The following UST variants were observed in gnomAD, a reference collection of about 807,000 sequenced individuals.
UST encodes uronyl 2-sulfotransferase, also known as chondroitin sulfate 2-O-sulfotransferase.
Under a neutral mutation model 45.6 loss-of-function variants are expected in UST, and 21 were observed. That is an observed-to-expected ratio of 0.46 (90% CI 0.33 to 0.66). UST has a LOEUF of 0.66. Ranked by LOEUF, UST falls within the 30% of genes least tolerant of loss-of-function variation. The pLI is 0.02. For missense variants in UST, 463 were observed against 512.4 expected (o/e 0.90, Z 0.93); for synonymous variants, 215 against 200.6 (o/e 1.07, Z -0.61).
At chr6:149,046,974 C>T (rs977476888) in intron 7 of UST, among the ~76,000 whole-genome samples, 1 of 152,132 alleles carries the variant, frequency 6.6e-6, no homozygotes, top group South Asian at 2.1e-4. Flanking sequence ...ACTTCTTGGC[C>T]GTGTCTCTGT....
intron 1 of UST, among the ~76,000 whole-genome samples, chr6:148,837,354 G>A (rs1229185884): frequency 6.6e-6 from 1 of 152,144 alleles, no homozygotes; most frequent in African/African-American, 2.4e-5. Context: ...GTAGCAAAGA[G>A]TATCAGAATC....
At chr6:148,941,505 C>A in intron 3 of UST, 71 bp downstream of exon 3, 12 of 1,485,948 alleles carry the variant, frequency 8.1e-6, no homozygotes, top group Non-Finnish European at 8.1e-6. Flanking sequence ...GGGTGCCTTA[C>A]AGGTCATCCT....
intron 7 of UST, among the ~76,000 whole-genome samples, chr6:149,022,406 C>A (rs1174122778): frequency 6.6e-6 from 1 of 152,026 alleles, no homozygotes; most frequent in Non-Finnish European, 1.5e-5. Flanking sequence ...TCGAGACCAG[C>A]CTGGCCAACA....
At chr6:149,066,063 AGAG>A (rs1035318912) in intron 7 of UST, 10 of 152,486 alleles carry the variant, frequency 6.6e-5, no homozygotes, top group African/African-American at 2.2e-4. Context: ...AGGAGGGCGT[AGAG>A]AAGATGGAAA....
At chr6:148,818,894 T>C (rs925604822) in intron 1 of UST, among the ~76,000 whole-genome samples, 1 of 152,200 alleles carries the variant, frequency 6.6e-6, no homozygotes, top group Non-Finnish European at 1.5e-5. Flanking sequence ...GTGGTCTTGC[T>C]CCTCTCTTCC....
chr6:148,990,531 A>T (rs1781328912), intron 5 of UST: 1 of 500,390 alleles, frequency 2.0e-6, no homozygotes. Flanking sequence ...AGACGTTCAG[A>T]TTCATATTTT....
intron 1 of UST, among the ~76,000 whole-genome samples, chr6:148,878,475 G>C (rs1778754347): frequency 7.4e-6 from 1 of 135,746 alleles, no homozygotes; most frequent in South Asian, 2.5e-4. Context: ...TATGAGTGTG[G>C]GTATCGTGTA....
intron 7 of UST, among the ~76,000 whole-genome samples, chr6:149,038,638 C>T (rs1042785501): frequency 1.5e-4 from 23 of 152,168 alleles, no homozygotes; most frequent in African/African-American, 5.6e-4. Context: ...GAAACTAATG[C>T]AGTTAGAAGT....
chr6:149,074,166 T>C lies in UST; in HGVS notation c.*50T>C, dbSNP rs577850182. The C allele has an allele frequency of 1.1e-4, 174 of 1,580,712 alleles. 2 individuals are homozygous for C. In the South Asian group the frequency reaches 1.8e-3, roughly 16 times the overall value. ...TTATCTCCCTTTTCCAGAAAGTTCT[T>C]TGTTTGGGGAAGTAAAATCCTTAAG... is the stretch of plus-strand genomic sequence containing the variant. On this transcript the variant is annotated 3_prime_UTR_variant, in exon 8 of 8. Transcript: ENST00000367463.
In UST at chr6:149,074,086, A is replaced by AGCTGG. The variant is rs1562346847; in HGVS notation, c.1191_1192insGCTGG (p.Lys398AlafsTer39). 6.2e-7 allele frequency: 1 copy of AGCTGG among 1,614,080 alleles called. No individual in the cohort carries two copies. Among genetic ancestry groups the AGCTGG allele is most frequent in the African/African-American group, 1.3e-5 (1 of 74,950 alleles). On this transcript the variant is annotated frameshift_variant, in exon 8 of 8. Coordinates refer to ENST00000367463, the MANE Select transcript of UST (RefSeq NM_005715.3). LOFTEE classifies it high-confidence loss of function. Reference sequence around the variant, plus strand: ...TCGACGATGAAGAACAGGATGATGAAAAGTGGCTGGAAGATATTTATAAGA... The same window carrying AGCTGG: ...TCGACGATGAAGAACAGGATGATGAAGCTGGAAGTGGCTGGAAGATATTTATAAGA...
intron 5 of UST, among the ~76,000 whole-genome samples, chr6:148,983,683 A>C (rs1246322834): frequency 1.3e-5 from 2 of 152,260 alleles, no homozygotes; most frequent in Non-Finnish European, 2.9e-5. Context: ...AAATTTGTGA[A>C]GTACAAGAAT....
At chr6:148,938,244 C>G (rs1191931385) in intron 2 of UST, among the ~76,000 whole-genome samples, 1 of 152,154 alleles carries the variant, frequency 6.6e-6, no homozygotes, top group Non-Finnish European at 1.5e-5. Context: ...AGGGCTCATT[C>G]AGTGTCTGTT....
chr6:149,037,115 G>A (rs890094112), intron 7 of UST, among the ~76,000 whole-genome samples: 1 of 152,032 alleles, frequency 6.6e-6, no homozygotes, highest in Non-Finnish European at 1.5e-5. Context: ...AAGGCCTCGG[G>A]GGGTGAGCAC....
At chr6:148,944,420 T>A (rs1780191166) in intron 3 of UST, among the ~76,000 whole-genome samples, 1 of 152,038 alleles carries the variant, frequency 6.6e-6, no homozygotes, top group Admixed American at 6.6e-5. Context: ...CCAGATTATC[T>A]ATTCCATTTC....
chr6:149,034,958 AT>A (rs1472333520), intron 7 of UST, among the ~76,000 whole-genome samples: 1 of 150,120 alleles, frequency 6.7e-6, no homozygotes, highest in East Asian at 2.0e-4. Flanking sequence ...TGTGTGCTAA[AT>A]ATTTAGTGGA....
intron 7 of UST, among the ~76,000 whole-genome samples, chr6:149,062,769 G>A (rs967819779): frequency 6.6e-6 from 1 of 152,220 alleles, no homozygotes; most frequent in African/African-American, 2.4e-5. Context: ...TGTCCTGGCT[G>A]TACAGCCTTG....
intron 2 of UST, among the ~76,000 whole-genome samples, chr6:148,888,965 T>G (rs530538554): frequency 6.6e-6 from 1 of 152,366 alleles, no homozygotes; most frequent in Non-Finnish European, 1.5e-5. Flanking sequence ...ACATCATGAC[T>G]ATTCATTAAA....
intron 1 of UST, among the ~76,000 whole-genome samples, chr6:148,771,953 A>G (rs1203712988): frequency 6.6e-6 from 1 of 152,180 alleles, no homozygotes; most frequent in Non-Finnish European, 1.5e-5. Context: ...GGAGATATCT[A>G]TTCGATCTTA....
chr6:148,933,633 T>C (rs891986838), intron 2 of UST, among the ~76,000 whole-genome samples: 1 of 152,096 alleles, frequency 6.6e-6, no homozygotes, highest in Non-Finnish European at 1.5e-5. Flanking sequence ...GTGTATTTCC[T>C]CCCCTAGAAT....
Sources: gnomAD v4.1 joint callset for allele counts (sites outside exome capture counted in the v4.1 genomes callset) on GRCh38, gnomAD v4.1.1 for gene constraint, MANE v1.5 for transcripts, NCBI Gene and HGNC (gene_info 2026-07-23, HGNC 2026-07-21) for gene names.